The following PHF20 variants were observed in gnomAD, a reference collection of about 807,000 sequenced individuals.
PHF20 encodes the protein PHD finger protein 20, also known as glioma-expressed antigen 2.
A neutral mutation model predicts 113.5 loss-of-function variants in PHF20; 23 were observed. That is an observed-to-expected ratio of 0.20 (90% confidence interval 0.15 to 0.29). The LOEUF is 0.29. Ranked by LOEUF, PHF20 falls within the 10% of genes least tolerant of loss-of-function variation. The pLI, the probability that PHF20 is intolerant of heterozygous loss-of-function variation, is 1.00. For missense variants in PHF20, 943 were observed against 1,219.6 expected, an observed-to-expected ratio of 0.77 and a Z score of 3.38; for synonymous variants, 434 against 457.3, an observed-to-expected ratio of 0.95 and a Z score of 0.65.
chr20:35,822,616 T>C (rs2042189020), intron 2 of PHF20, among the ~76,000 whole-genome samples: 1 of 151,570 alleles, frequency 6.6e-6, no homozygotes, highest in Non-Finnish European at 1.5e-5. Flanking sequence ...GAAGGATTGC[T>C]TGAGCCCAGG....
chr20:35,791,526 C>T (rs1378591414), intron 1 of PHF20, among the ~76,000 whole-genome samples: 1 of 134,306 alleles, frequency 7.4e-6, no homozygotes, highest in African/African-American at 3.0e-5. Flanking sequence ...ACATATATAT[C>T]TTAGAATAGT....
intron 3 of PHF20, 108 bp from the exon 4 acceptor site, chr20:35,847,242 C>A: frequency 1.5e-6 from 1 of 676,448 alleles, no homozygotes; most frequent in Non-Finnish European, 2.5e-6. Flanking sequence ...ACTTTCCCTT[C>A]ACACTTTCTT....
At chr20:35,894,141 A>G (rs1286209835) in intron 9 of PHF20, among the ~76,000 whole-genome samples, 1 of 152,236 alleles carries the variant, frequency 6.6e-6, no homozygotes, top group Non-Finnish European at 1.5e-5. Context: ...AGGAGGACGT[A>G]GACGAAATGA....
At chr20:35,847,764 G>A (rs1441790290) in intron 4 of PHF20, among the ~76,000 whole-genome samples, 1 of 152,108 alleles carries the variant, frequency 6.6e-6, no homozygotes, top group East Asian at 1.9e-4. Context: ...CTGAATATTT[G>A]TGAATAGCTT....
At chr20:35,854,432 G>A (rs2042793204) in intron 4 of PHF20, among the ~76,000 whole-genome samples, 1 of 152,160 alleles carries the variant, frequency 6.6e-6, no homozygotes, top group Non-Finnish European at 1.5e-5. Context: ...TGTTTGTTAG[G>A]TAGTGTTTGT....
At chr20:35,859,548 GTT>G (rs773152898) in intron 5 of PHF20, among the ~76,000 whole-genome samples, 1 of 141,534 alleles carries the variant, frequency 7.1e-6, no homozygotes, top group Non-Finnish European at 1.6e-5. Flanking sequence ...TTGGTTTTTG[GTT>G]TTTTTTTTTT....
At chr20:35,800,502 G>A (rs2041759282) in intron 1 of PHF20, among the ~76,000 whole-genome samples, 1 of 152,164 alleles carries the variant, frequency 6.6e-6, no homozygotes, top group South Asian at 2.1e-4. Context: ...TGGGCGCAGT[G>A]GTTCACGCCT....
At chr20:35,883,459 G>A (rs2054670492) in intron 9 of PHF20, among the ~76,000 whole-genome samples, 1 of 152,120 alleles carries the variant, frequency 6.6e-6, no homozygotes. Flanking sequence ...TTTTGTTTGA[G>A]ACAGGGTCTC....
chr20:35,852,208 A>G (rs1309059334), intron 4 of PHF20, among the ~76,000 whole-genome samples: 1 of 152,206 alleles, frequency 6.6e-6, no homozygotes, highest in Non-Finnish European at 1.5e-5. Context: ...TCGTTCCCAC[A>G]GTACCAGGCT....
intron 3 of PHF20, among the ~76,000 whole-genome samples, chr20:35,846,459 T>A (rs2042625894): frequency 6.6e-6 from 1 of 152,172 alleles, no homozygotes; most frequent in African/African-American, 2.4e-5. Flanking sequence ...CCACTGCACC[T>A]GGCCCATTGT....
chr20:35,831,368 A>G (rs2042355823), intron 2 of PHF20, among the ~76,000 whole-genome samples: 1 of 152,038 alleles, frequency 6.6e-6, no homozygotes, highest in South Asian at 2.1e-4. Flanking sequence ...GGGTCTCCCT[A>G]TGTTTCCCAT....
rs149820328 is a variant in PHF20 at position 35,793,638 on chromosome 20, T to C, written c.-32-7853T>C. Among the ~76,000 whole-genome samples the C allele has an allele frequency of 1.7e-3, 251 of 152,040 alleles. 1 individual carries two copies. The highest frequency in any genetic ancestry group is 5.9e-3 in the African/African-American group (244 of 41,520). On this transcript the variant is annotated intron_variant, in intron 1 of 17. Transcript: ENST00000374012. ...TAACAGCCGTATCTAAAATAGTCCT[T>C]TCCATGTCGCTGGTTCACATTATTT...
At chr20:35,772,201 C>T (rs1340691517) in intron 1 of PHF20, 122 bp downstream of exon 1, 8 of 151,404 alleles carry the variant, frequency 5.3e-5, no homozygotes, top group Non-Finnish European at 4.4e-5. Context: ...CCCTGCCCGG[C>T]CCCGCTCCCC....
intron 10 of PHF20, among the ~76,000 whole-genome samples, chr20:35,903,694 T>A (rs570841287): frequency 6.6e-6 from 1 of 152,280 alleles, no homozygotes; most frequent in Admixed American, 6.5e-5. Flanking sequence ...GTGATCCAGA[T>A]GGAAAATTGA....
At chr20:35,772,507 C>CT (rs1290067722) in intron 1 of PHF20, among the ~76,000 whole-genome samples, 1 of 152,164 alleles carries the variant, frequency 6.6e-6, no homozygotes, top group East Asian at 1.9e-4. Context: ...TTAAAATTGG[C>CT]TTTTTTTATC....
chr20:35,772,503 T>C (rs1361983974), intron 1 of PHF20, among the ~76,000 whole-genome samples: 1 of 152,204 alleles, frequency 6.6e-6, no homozygotes, highest in Non-Finnish European at 1.5e-5. Flanking sequence ...TTTTTTAAAA[T>C]TGGCTTTTTT....
intron 2 of PHF20, among the ~76,000 whole-genome samples, chr20:35,833,115 C>G (rs182261237): frequency 3.1e-4 from 47 of 151,440 alleles, no homozygotes; most frequent in Non-Finnish European, 5.2e-4. Context: ...TACTTCCTGG[C>G]CCAGAGCAGG....
At chr20:35,889,017 T>TC (rs1390262773) in intron 9 of PHF20, among the ~76,000 whole-genome samples, 26 of 75,568 alleles carry the variant, frequency 3.4e-4, no homozygotes, top group Non-Finnish European at 1.7e-4. Flanking sequence ...TTCTTTTTTT[T>TC]TTTTTTTTTT....
chr20:35,886,290 C>G (rs2054730238), intron 9 of PHF20, among the ~76,000 whole-genome samples: 1 of 151,972 alleles, frequency 6.6e-6, no homozygotes, highest in Non-Finnish European at 1.5e-5. Context: ...AGGTGCCCAC[C>G]ACCATGCCCA....
Sources: gnomAD v4.1 joint callset for allele counts (sites outside exome capture counted in the v4.1 genomes callset) on GRCh38, gnomAD v4.1.1 for gene constraint, MANE v1.5 for transcripts, NCBI Gene and HGNC (gene_info 2026-07-23, HGNC 2026-07-21) for gene names.